Variants in KSR1 observed in about 807,000 individuals in gnomAD.
KSR1 encodes kinase suppressor of ras.
A neutral mutation model predicts 92.9 loss-of-function variants in KSR1; 35 were observed. That is an observed-to-expected ratio of 0.38 (90% confidence interval 0.29 to 0.50). The LOEUF is 0.50. Among genes scored for constraint, KSR1 ranks in the 20% least tolerant of loss-of-function variants. KSR1 has a pLI of 0.94. For missense variants in KSR1, 972 were observed against 1,158.5 expected, an observed-to-expected ratio of 0.84 and a Z score of 2.34; for synonymous variants, 467 against 472.6, an observed-to-expected ratio of 0.99 and a Z score of 0.15.
At chr17:27,471,821 C>T (rs1405338989) in intron 1 of KSR1, among the ~76,000 whole-genome samples, 1 of 152,130 alleles carries the variant, frequency 6.6e-6, no homozygotes, top group Non-Finnish European at 1.5e-5. Flanking sequence ...ATAGAAGGTG[C>T]TGGTGAGGTG....
intron 2 of KSR1, among the ~76,000 whole-genome samples, chr17:27,568,401 C>A (rs1284284974): frequency 6.6e-6 from 1 of 152,262 alleles, no homozygotes; most frequent in African/African-American, 2.4e-5. Flanking sequence ...AAGGGACCCA[C>A]CAGACTCCAA....
chr17:27,459,166 A>G lies in KSR1; in HGVS notation c.231+2292A>G, dbSNP rs2019320535. On this transcript the variant is annotated intron_variant, in intron 1 of 20. Transcript: ENST00000644974. The surrounding 1 kb of genome is among the most constrained non-coding windows in gnomAD (Gnocchi z 4.6). The stretch of plus-strand genomic sequence containing the variant: ...GTCTGTGTGACCTTAGGCAAGTCCC[A>G]TGACTTCTGAATCTCAAGCTCTCCT... Among the ~76,000 whole-genome samples, 1 of 152,170 alleles carries G rather than the reference A, an allele frequency of 6.6e-6. No individual in the cohort carries two copies.
At chr17:27,532,789 C>T (rs2070593860) in intron 1 of KSR1, among the ~76,000 whole-genome samples, 1 of 152,234 alleles carries the variant, frequency 6.6e-6, no homozygotes, top group South Asian at 2.1e-4. Flanking sequence ...TGGGGCTCCT[C>T]ACCAGTATTC....
intron 9 of KSR1, among the ~76,000 whole-genome samples, chr17:27,594,610 C>T (rs1193443217): frequency 6.6e-6 from 1 of 152,146 alleles, no homozygotes; most frequent in Non-Finnish European, 1.5e-5. Context: ...GAGCAGTGGC[C>T]CTCCAGGATC....
rs771656384 is a variant in KSR1 at position 27,610,138 on chromosome 17, C to A, written c.2297C>A (p.Thr766Asn). 21 of 1,613,876 alleles carry A rather than the reference C, an allele frequency of 1.3e-5. No homozygotes were observed. The African/African-American group carries it at 2.8e-4, about 22-fold the overall frequency. The change falls in exon 17 of 21, where the codon ACC becomes AAC. Residue 766 changes from threonine (T) to asparagine (N), a missense_variant. Thr to Asn is a moderately conservative substitution (Grantham distance 65). Transcript: ENST00000644974. The part of the protein sequence containing the change: ...YLAPEIVREM[T>N]PGKDEDQLPF... ...GCCCCTGAGATTGTACGCGAGATGA[C>A]CCCCGGGAAGGACGAGGATCAGCTG...
chr17:27,508,363 T>C (rs1355666489), intron 1 of KSR1, among the ~76,000 whole-genome samples: 1 of 152,212 alleles, frequency 6.6e-6, no homozygotes, highest in Non-Finnish European at 1.5e-5. Flanking sequence ...GGAACTTTTA[T>C]CATCCCTCTG....
intron 2 of KSR1, among the ~76,000 whole-genome samples, chr17:27,567,635 G>A (rs1463996322): frequency 6.6e-6 from 1 of 152,230 alleles, no homozygotes; most frequent in Non-Finnish European, 1.5e-5. Flanking sequence ...GCAGAGGGAG[G>A]TGATTCTCAG....
At chr17:27,584,335 T>C (rs1567855163) in intron 4 of KSR1, among the ~76,000 whole-genome samples, 1 of 152,160 alleles carries the variant, frequency 6.6e-6, no homozygotes, top group Non-Finnish European at 1.5e-5. Context: ...TGCATGCTGT[T>C]AGGGTCCTTT....
chr17:27,543,512 G>A (rs1461506654), intron 1 of KSR1, among the ~76,000 whole-genome samples: 2 of 152,204 alleles, frequency 1.3e-5, no homozygotes, highest in Non-Finnish European at 2.9e-5. Flanking sequence ...TTTCCTCAGT[G>A]GCACGTGCTT....
chr17:27,575,191 G>A (rs768339245), intron 2 of KSR1, among the ~76,000 whole-genome samples: 5 of 152,216 alleles, frequency 3.3e-5, no homozygotes, highest in African/African-American at 7.2e-5. Flanking sequence ...TAGCAACCCC[G>A]TAGGCAGAGC....
intron 1 of KSR1, among the ~76,000 whole-genome samples, chr17:27,518,249 A>C (rs1440555466): frequency 6.6e-6 from 1 of 152,128 alleles, no homozygotes; most frequent in Non-Finnish European, 1.5e-5. Context: ...AAGGCCCCAG[A>C]GGTGTGAAAC....
intron 1 of KSR1, among the ~76,000 whole-genome samples, chr17:27,519,453 C>T (rs1381693544): frequency 6.6e-6 from 1 of 152,096 alleles, no homozygotes; most frequent in Non-Finnish European, 1.5e-5. Context: ...GAAAGGAGTC[C>T]CCTTCAACCC....
chr17:27,563,494 G>A (rs574599044), intron 2 of KSR1, among the ~76,000 whole-genome samples: 65 of 152,248 alleles, frequency 4.3e-4, no homozygotes, highest in African/African-American at 1.5e-3. Context: ...CTGGCTTCAA[G>A]TGATCCTCCC....
chr17:27,623,086 A>G, intron 20 of KSR1: 1 of 588,494 alleles, frequency 1.7e-6, no homozygotes, highest in South Asian at 2.0e-5. Context: ...TGGGACTTGG[A>G]GATGAATGAG....
At chr17:27,476,155 C>T (rs916732250) in intron 1 of KSR1, among the ~76,000 whole-genome samples, 3 of 152,288 alleles carry the variant, frequency 2.0e-5, no homozygotes, top group Admixed American at 6.5e-5. Flanking sequence ...GCTCCTGCCC[C>T]GGGGGGACCA....
At chr17:27,547,866 C>T (rs913945833) in intron 1 of KSR1, among the ~76,000 whole-genome samples, 30 of 152,128 alleles carry the variant, frequency 2.0e-4, no homozygotes, top group African/African-American at 7.0e-4. Flanking sequence ...GCGTGTGCCA[C>T]CATGCCTGGC....
At position 27,526,903 on chromosome 17, in the gene KSR1, C is replaced by T. The variant is rs1670971498; in HGVS notation, c.232-23665C>T. On this transcript the variant is annotated intron_variant, in intron 1 of 20. Transcript: ENST00000644974. ...AGCAGCATGCTGGTGATCTCCTTCC[C>T]TAGGACTTGGTTACTCAGGAGGGGG... The T allele has an allele frequency of 7.9e-6, 5 of 634,474 alleles. No homozygotes were observed. The Admixed American group carries it at 1.4e-4, about 18-fold the overall frequency. The allele number at this position is 634,474 out of a possible 1,614,324, so 39.3% of individuals were successfully genotyped here.
At chr17:27,588,354 T>C (rs1368198871) in intron 5 of KSR1, 121 bp from the exon 6 acceptor site, 4 of 760,438 alleles carry the variant, frequency 5.3e-6, no homozygotes, top group Non-Finnish European at 8.2e-6. Context: ...ATCAGGGAGA[T>C]GCTTATATAA....
At chr17:27,617,173 CA>C (rs1166016970) in intron 18 of KSR1, 121 bp from the exon 19 acceptor site, 2 of 1,090,730 alleles carry the variant, frequency 1.8e-6, no homozygotes, top group Non-Finnish European at 2.5e-6. Flanking sequence ...GCAGGGTGTT[CA>C]GGGGGCCGCC....
Sources: gnomAD v4.1 joint callset for allele counts (sites outside exome capture counted in the v4.1 genomes callset) on GRCh38, gnomAD v4.1.1 for gene constraint, Gnocchi (gnomAD v3.1) non-coding constraint, MANE v1.5 for transcripts, NCBI Gene and HGNC (gene_info 2026-07-23, HGNC 2026-07-21) for gene names.